Variants in CCDC9 observed in about 807,000 individuals in gnomAD.
The protein encoded by CCDC9 is coiled-coil domain-containing protein 9.
Under a neutral mutation model 65.6 loss-of-function variants are expected in CCDC9, and 52 were observed. The observed-to-expected ratio is 0.79, with a 90% CI of 0.63 to 1.00. CCDC9 has a LOEUF of 1.00. Ranked by LOEUF, CCDC9 falls within the 50% of genes least tolerant of loss-of-function variation. The pLI, the probability that CCDC9 is intolerant of heterozygous loss-of-function variation, is 0.00. For synonymous variants in CCDC9, 332 were observed against 280.3 expected (o/e 1.18, Z -1.84); for missense variants, 834 against 757.2 (o/e 1.10, Z -1.19).
In CCDC9 at chr19:47,271,915, T is replaced by G. The variant is rs2059126841; in HGVS notation, c.*237T>G. ...CCACTCCCAGAGCCTGCCCCAGCCC[T>G]TCGAGCCCCCTCCCCAATAAAGAAT... On this transcript the variant is annotated 3_prime_UTR_variant, in exon 12 of 12. Transcript: ENST00000221922. 7.7e-7 allele frequency: 1 copy of G among 1,302,916 alleles called. No individual in the cohort carries two copies. Among genetic ancestry groups the G allele is most frequent in the East Asian group, 2.8e-5 (1 of 35,090 alleles). The allele number at this position is 1,302,916 out of a possible 1,614,324, so 80.7% of individuals were successfully genotyped here. A position where few individuals can be genotyped will look rare whatever the true frequency, so the allele number is the denominator to read the frequency against.
chr19:47,258,518 G>A (rs755192830), intron 2 of CCDC9, 41 bp from the exon 3 acceptor site: 59 of 1,605,156 alleles, frequency 3.7e-5, no homozygotes, highest in Middle Eastern at 3.3e-4. Context: ...GGTATGGATG[G>A]AGGTTTTTCC....
chr19:47,267,391 G>C (rs557344038), intron 8 of CCDC9, among the ~76,000 whole-genome samples: 4 of 152,140 alleles, frequency 2.6e-5, no homozygotes, highest in African/African-American at 9.7e-5. Flanking sequence ...CAATTCTCCT[G>C]CCTCCGCCTC....
At chr19:47,275,333 G>A (rs992538877), downstream of CCDC9, 5 of 1,545,144 alleles carry the variant, frequency 3.2e-6, no homozygotes, top group Non-Finnish European at 4.4e-6. Context: ...CCGCGGAGGG[G>A]CGAAGACCCG....
intron 8 of CCDC9, among the ~76,000 whole-genome samples, chr19:47,268,814 A>G (rs2059098279): frequency 6.6e-6 from 1 of 151,828 alleles, no homozygotes; most frequent in African/African-American, 2.4e-5. Context: ...GCTACTCGGG[A>G]GGCTGAGGCA....
intron 5 of CCDC9, among the ~76,000 whole-genome samples, chr19:47,262,789 A>G (rs2059054742): frequency 6.6e-6 from 1 of 152,146 alleles, no homozygotes; most frequent in South Asian, 2.1e-4. Flanking sequence ...ACAAGTAGTT[A>G]CTAGCTACTT....
At chr19:47,275,531 T>C (rs1223276668), downstream of CCDC9, 1 of 798,734 alleles carries the variant, frequency 1.3e-6, no homozygotes, top group Non-Finnish European at 1.9e-6. Flanking sequence ...CTCTTGCAGC[T>C]ACTCTGTGGT....
At chr19:47,274,647 AG>A (rs1317129138), downstream of CCDC9, 4 of 134,828 alleles carry the variant, frequency 3.0e-5, no homozygotes, top group Admixed American at 6.7e-4. Context: ...TGGCGGGAGG[AG>A]GCGGTGATTG....
chr19:47,263,651 C>T (rs1217887307), intron 5 of CCDC9, among the ~76,000 whole-genome samples: 4 of 151,956 alleles, frequency 2.6e-5, no homozygotes, highest in South Asian at 4.1e-4. Context: ...CTGCAACCTC[C>T]GCCTTTTGGT....
In CCDC9 at chr19:47,260,822, T is replaced by A. The variant is rs1442403237; in HGVS notation, c.445T>A (p.Ser149Thr). 1 of 1,612,914 alleles carries A rather than the reference T, an allele frequency of 6.2e-7. No homozygotes were observed. Among genetic ancestry groups the A allele is most frequent in the Admixed American group, 1.7e-5 (1 of 59,658 alleles). ...HLSGAGDTSI[S>T]DRKSKEWEER... ...CTCTGGAGCTGGAGACACCTCAATC[T>A]CTGACCGTAAATCCAAGGTAGGAGC... The change falls in exon 5 of 12, where the codon TCT becomes ACT. Residue 149 changes from serine (S) to threonine (T), a missense_variant. Ser to Thr is a moderately conservative substitution (Grantham distance 58). Transcript: ENST00000221922.
chr19:47,257,542 T>C (rs1159150698), intron 1 of CCDC9: 1 of 152,408 alleles, frequency 6.6e-6, no homozygotes, highest in Non-Finnish European at 1.5e-5. Context: ...CCCAGCCGGA[T>C]TGAGGCTGGA....
chr19:47,257,348 C>A (rs1302427335), intron 1 of CCDC9, among the ~76,000 whole-genome samples: 1 of 147,914 alleles, frequency 6.8e-6, no homozygotes, highest in Non-Finnish European at 1.5e-5. Flanking sequence ...TAGGCTGTTG[C>A]CTGCGAGCCA....
At position 47,266,763 on chromosome 19, in the gene CCDC9, C is replaced by T. The variant is rs757457032; in HGVS notation, c.873C>T (p.Arg291=). 4.2e-5 allele frequency: 67 copies of T among 1,609,450 alleles called. No individual in the cohort carries two copies. The Middle Eastern group carries it at 6.6e-4, about 16-fold the overall frequency. Residue 291 remains arginine, a synonymous_variant, in exon 8 of 12, where the codon CGC becomes CGT. Coordinates refer to ENST00000221922, the MANE Select transcript of CCDC9 (RefSeq NM_015603.3). ...GCAAGCCCACTGGCCAGTGGAGGCG[C>T]GAGTGGGATGCCGAGAAGACCGATG... ...RHRKPTGQWR[R]EWDAEKTDGM... is the part of the protein sequence containing the mutation.
At chr19:47,269,175 G>T (rs2059100752) in intron 8 of CCDC9, among the ~76,000 whole-genome samples, 1 of 152,070 alleles carries the variant, frequency 6.6e-6, no homozygotes, top group Non-Finnish European at 1.5e-5. Context: ...TGTCATGGAA[G>T]GTTCTAGGTG....
intron 1 of CCDC9, 82 bp downstream of exon 1, chr19:47,256,691 CGGGCG>C (rs1555801983): frequency 8.2e-6 from 1 of 122,558 alleles, no homozygotes; most frequent in African/African-American, 3.1e-5. Context: ...CGAACAGGCC[CGGGCG>C]GGGTCGGAGT....
chr19:47,264,929 C>A lies in CCDC9; in HGVS notation c.703C>A (p.Leu235Ile). Residue 235 changes from leucine (L) to isoleucine (I), a missense_variant, in exon 7 of 12, where the codon CTT (leucine) becomes ATT (isoleucine). By Grantham distance (5) the Leu-to-Ile change is conservative (BLOSUM62 2). Transcript: ENST00000221922. ...GPDFERVRCGLEHERQGRRAG... is the reference protein window; with the variant it reads ...GPDFERVRCGIEHERQGRRAG... ...CGACTTCGAGCGGGTGCGCTGTGGC[C>A]TTGAGCACGAGCGGCAGGTGGGTGT... 1 of 1,453,428 alleles carries A rather than the reference C, an allele frequency of 6.9e-7. No individual in the cohort carries two copies. The highest frequency in any genetic ancestry group is 9.0e-7 in the Non-Finnish European group (1 of 1,106,754). The allele number at this position is 1,453,428 out of a possible 1,614,324, so 90.0% of individuals were successfully genotyped here.
At chr19:47,273,340 GCC>G, downstream of CCDC9, 2 of 1,230,284 alleles carry the variant, frequency 1.6e-6, no homozygotes, top group Non-Finnish European at 2.0e-6. Flanking sequence ...CGCTGACTCA[GCC>G]CCTTCTCTCC....
chr19:47,274,985 C>T, downstream of CCDC9: 1 of 1,464,848 alleles, frequency 6.8e-7, no homozygotes, highest in South Asian at 1.3e-5. Flanking sequence ...TGAGCGAGGG[C>T]CCGCGGGGGC....
chr19:47,272,275 A>G, downstream of CCDC9: 1 of 662,712 alleles, frequency 1.5e-6, no homozygotes, highest in Non-Finnish European at 2.1e-6. Flanking sequence ...CAGTTGGACC[A>G]TAGAGGTGAG....
rs1246597444 is a variant in CCDC9 at position 47,266,665 on chromosome 19, C to T, written c.775C>T (p.Arg259Trp). The T allele has an allele frequency of 1.1e-5, 17 of 1,599,528 alleles. No individual in the cohort carries two copies. The highest frequency in any genetic ancestry group is 6.8e-5 in the South Asian group (6 of 88,700). ...AGACATGACGTTGTCCATGACGGGCCGGGAGCGGTCGGAGTACCTGCGCTG... is the reference window on the plus strand; with the variant it reads ...AGACATGACGTTGTCCATGACGGGCTGGGAGCGGTCGGAGTACCTGCGCTG... ...AGDMTLSMTG[R>W]ERSEYLRWKQ... The change falls in exon 8 of 12, where the codon CGG becomes TGG. Residue 259 changes from arginine to tryptophan, a missense_variant. Physicochemically the swap from Arg to Trp is moderately radical, Grantham distance 101. Coordinates refer to ENST00000221922, the MANE Select transcript of CCDC9 (RefSeq NM_015603.3).
Sources: allele counts gnomAD v4.1 joint callset (sites outside exome capture counted in the v4.1 genomes callset), GRCh38; gene constraint gnomAD v4.1.1; transcripts MANE v1.5; gene names NCBI Gene and HGNC (gene_info 2026-07-23, HGNC 2026-07-21).